The following TJP1 variants were observed in gnomAD, a reference collection of about 807,000 sequenced individuals.
The protein encoded by TJP1 is tight junction protein 1.
In TJP1, 43 loss-of-function variants were observed where a neutral mutation model predicts 194.2. The observed-to-expected ratio is 0.22, with a 90% CI of 0.17 to 0.29. TJP1 has a LOEUF of 0.29. Among genes scored for constraint, TJP1 ranks in the 10% least tolerant of loss-of-function variants. TJP1 has a pLI of 1.00. For synonymous variants in TJP1, 801 were observed against 779.0 expected (o/e 1.03, Z -0.47); for missense variants, 1,971 against 2,185.7 (o/e 0.90, Z 1.96).
intron 2 of TJP1, among the ~76,000 whole-genome samples, chr15:29,857,289 T>C (rs1275632763): frequency 6.6e-6 from 1 of 151,476 alleles, no homozygotes; most frequent in Non-Finnish European, 1.5e-5. Flanking sequence ...CTTGAATGGA[T>C]ACTGTTTTTT....
intron 2 of TJP1, among the ~76,000 whole-genome samples, chr15:29,857,988 C>T (rs2051925215): frequency 6.6e-6 from 1 of 152,154 alleles, no homozygotes; most frequent in Non-Finnish European, 1.5e-5. Flanking sequence ...GTCTCGAACT[C>T]CTGACCTCAG....
chr15:29,793,091 C>T (rs182348353), intron 2 of TJP1, among the ~76,000 whole-genome samples: 1 of 152,120 alleles, frequency 6.6e-6, no homozygotes, highest in African/African-American at 2.4e-5. Context: ...AATTTGGATG[C>T]CTTTTCTTTT....
chr15:29,817,475 T>C (rs2050005926), intron 1 of TJP1, among the ~76,000 whole-genome samples: 2 of 152,150 alleles, frequency 1.3e-5, no homozygotes, highest in African/African-American at 4.8e-5. Context: ...AGTAATCCCA[T>C]TACTGGGTAT....
intron 8 of TJP1, among the ~76,000 whole-genome samples, chr15:29,757,232 C>T (rs191439211): frequency 8.5e-4 from 129 of 152,258 alleles, no homozygotes; most frequent in Non-Finnish European, 1.2e-3. Flanking sequence ...AGCAGATAAT[C>T]GCACATCCTA....
rs2151022605 is a variant in TJP1 at position 29,708,759 on chromosome 15, G to A, written c.4650C>T (p.His1550=). Residue 1550 remains histidine, a synonymous_variant, in exon 25 of 28, where the codon CAC becomes CAT. Coordinates refer to ENST00000614355, the MANE Select transcript of TJP1 (RefSeq NM_001330239.4). ...GTGCAGTTTCACTTGGCAGAAGATT[G>A]TGATTGAATTTAGGACTTTCAAACT... The part of the protein sequence containing the change: ...ERKFESPKFN[H]NLLPSETAHK... 6.2e-7 allele frequency: 1 copy of A among 1,614,246 alleles called. No homozygotes were observed. The highest frequency in any genetic ancestry group is 8.5e-7 in the Non-Finnish European group (1 of 1,180,048).
chr15:29,966,274 A>G (rs11855574), intron 1 of TJP1, among the ~76,000 whole-genome samples: 62,757 of 151,914 alleles, frequency 0.41, 13,357 homozygotes, highest in South Asian at 0.51. Flanking sequence ...AGGCCAAGGC[A>G]GGTGGATCAC....
Position 29,742,770 on chromosome 15 carries a change from C to G in TJP1, c.1022G>C (p.Arg341Thr). The G allele has an allele frequency of 1.3e-6, 2 of 1,597,334 alleles. No individual in the cohort carries two copies. The highest frequency in any genetic ancestry group is 4.5e-5 in the East Asian group (2 of 44,214). ...AGGTTTAGAAATTCTCTCTTCATCT[C>G]TACTCCGGAGACTGTGTGTCATTAA... ...QQPSNGSLRS[R>T]DEERISKPGA... The change falls in exon 9 of 28, where the codon AGA (arginine) becomes ACA (threonine). Residue 341 changes from arginine (R) to threonine (T), a missense_variant. Arg to Thr is a moderately conservative substitution (Grantham distance 71). Coordinates refer to ENST00000614355, the MANE Select transcript of TJP1 (RefSeq NM_001330239.4).
At chr15:29,805,105 A>G (rs1198211209) in intron 1 of TJP1, among the ~76,000 whole-genome samples, 1 of 152,234 alleles carries the variant, frequency 6.6e-6, no homozygotes, top group Non-Finnish European at 1.5e-5. Flanking sequence ...ACTGCAATTC[A>G]TGGTTGCTGG....
chr15:29,844,476 G>T (rs375789551), intron 2 of TJP1, among the ~76,000 whole-genome samples: 67 of 152,304 alleles, frequency 4.4e-4, no homozygotes, highest in African/African-American at 1.6e-3. Context: ...CAGGGATGAG[G>T]TCATAGCAGC....
At chr15:29,818,006 T>TA (rs1407461334) in intron 1 of TJP1, among the ~76,000 whole-genome samples, 5 of 151,172 alleles carry the variant, frequency 3.3e-5, no homozygotes, top group Non-Finnish European at 7.4e-5. Context: ...TCCCAGAACT[T>TA]AATTAAAAAA....
intron 4 of TJP1, among the ~76,000 whole-genome samples, chr15:29,767,613 G>A (rs1172094508): frequency 6.6e-6 from 1 of 151,832 alleles, no homozygotes; most frequent in African/African-American, 2.4e-5. Context: ...CAGAAGTCTT[G>A]CTCTTGTTCA....
At chr15:29,778,345 AT>A (rs1261415100) in intron 2 of TJP1, among the ~76,000 whole-genome samples, 2 of 152,058 alleles carry the variant, frequency 1.3e-5, no homozygotes, top group African/African-American at 2.4e-5. Context: ...AAAAAAAAAA[AT>A]AGCCCCCAGG....
At chr15:29,709,998 T>C (rs921520710) in intron 24 of TJP1, among the ~76,000 whole-genome samples, 1 of 151,844 alleles carries the variant, frequency 6.6e-6, no homozygotes. Context: ...ATACAAAAAT[T>C]AGCCGGGCGT....
chr15:29,958,412 T>A (rs1200489069), intron 1 of TJP1, among the ~76,000 whole-genome samples: 1 of 152,104 alleles, frequency 6.6e-6, no homozygotes, highest in Admixed American at 6.5e-5. Context: ...CCATTCAAAT[T>A]TATTGTTTTT....
At chr15:29,742,419 T>C (rs1329248863) in intron 9 of TJP1, among the ~76,000 whole-genome samples, 1 of 152,236 alleles carries the variant, frequency 6.6e-6, no homozygotes, top group Non-Finnish European at 1.5e-5. Flanking sequence ...AAGAAGTTGT[T>C]AATGATAAAT....
intron 1 of TJP1, among the ~76,000 whole-genome samples, chr15:29,960,558 G>A (rs916883250): frequency 2.7e-5 from 4 of 150,750 alleles, no homozygotes; most frequent in African/African-American, 7.4e-5. Flanking sequence ...ATCACCTAAG[G>A]CCAGGACGTC....
At chr15:29,713,522 T>G (rs1218896883) in intron 23 of TJP1, among the ~76,000 whole-genome samples, 1 of 152,208 alleles carries the variant, frequency 6.6e-6, no homozygotes, top group Non-Finnish European at 1.5e-5. Flanking sequence ...GCACACATCA[T>G]CTGAAGGAAG....
At position 29,718,781 on chromosome 15, in the gene TJP1, C is replaced by G; in HGVS notation, c.3361G>C (p.Glu1121Gln). 1 of 1,614,122 alleles carries G rather than the reference C, an allele frequency of 6.2e-7. No homozygotes were observed. The highest frequency in any genetic ancestry group is 1.1e-5 in the South Asian group (1 of 91,084). ...AAGTACCCTCGTTCTGAGGACTCTT[C>G]GGGATGCTGTCTGGAGTCAAGGTCT... Reference protein sequence around the residue: ...SQDLDSRQHPEESSERGYFPR... With the variant: ...SQDLDSRQHPQESSERGYFPR... The change falls in exon 21 of 28, where the codon GAA becomes CAA. Residue 1121 changes from glutamate (E) to glutamine (Q), a missense_variant. Glu to Gln is a conservative substitution (Grantham distance 29, BLOSUM62 2). Coordinates refer to ENST00000614355, the MANE Select transcript of TJP1 (RefSeq NM_001330239.4).
rs776318557 is a variant in TJP1 at position 29,734,260 on chromosome 15, T to C, written c.1516+14A>G. On this transcript the variant is annotated intron_variant, in intron 12 of 27. Coordinates refer to ENST00000614355, the MANE Select transcript of TJP1 (RefSeq NM_001330239.4). ...CTACAGGTTTATCTCCTCCATTTTC[T>C]GACAGCATCTCACCATCCTTCTTCT... 1.3e-6 allele frequency: 2 copies of C among 1,564,086 alleles called. No individual in the cohort carries two copies. Among genetic ancestry groups the C allele is most frequent in the South Asian group, 2.3e-5 (2 of 85,378 alleles).
Sources: gnomAD v4.1 joint callset for allele counts (sites outside exome capture counted in the v4.1 genomes callset) on GRCh38, gnomAD v4.1.1 for gene constraint, MANE v1.5 for transcripts, NCBI Gene and HGNC (gene_info 2026-07-23, HGNC 2026-07-21) for gene names.